SOX6: variants seen among roughly 807,000 people sequenced by gnomAD.
The protein encoded by SOX6 is transcription factor SOX-6.
SOX6 carries 11 observed loss-of-function variants against 97.8 expected under a neutral mutation model. The observed-to-expected ratio is 0.11, with a 90% CI of 0.07 to 0.19. The LOEUF (loss-of-function observed/expected upper bound fraction) is 0.19, where lower values mean the gene tolerates loss of function less well. Ranked by LOEUF, SOX6 falls within the 10% of genes least tolerant of loss-of-function variation. The probability of loss-of-function intolerance (pLI) is 1.00; values close to 1 mark genes in which losing one functional copy is unlikely to be tolerated. For missense variants in SOX6, 810 were observed against 1,039.5 expected, an observed-to-expected ratio of 0.78 and a Z score of 3.04; for synonymous variants, 360 against 371.4, an observed-to-expected ratio of 0.97 and a Z score of 0.35.
intron 3 of SOX6, among the ~76,000 whole-genome samples, chr11:16,253,389 A>G (rs1853576692): frequency 6.6e-6 from 1 of 152,064 alleles, no homozygotes; most frequent in African/African-American, 2.4e-5. Context: ...AGCCAGAGTC[A>G]AATGTAGCAG....
chr11:16,260,235 C>T (rs992939868), intron 3 of SOX6, among the ~76,000 whole-genome samples: 1 of 151,968 alleles, frequency 6.6e-6, no homozygotes, highest in Non-Finnish European at 1.5e-5. Flanking sequence ...CTCCTGACCT[C>T]GTGATCCACT....
chr11:16,352,293 TGG>T (rs1856969773), intron 1 of SOX6, among the ~76,000 whole-genome samples: 1 of 147,702 alleles, frequency 6.8e-6, no homozygotes, highest in Non-Finnish European at 1.5e-5. Flanking sequence ...GATGGATGGA[TGG>T]ATGGAAGGAT....
chr11:16,535,394 C>T (rs140691084), intron 4 of SOX6, among the ~76,000 whole-genome samples: 2 of 152,250 alleles, frequency 1.3e-5, no homozygotes, highest in Non-Finnish European at 1.5e-5. Flanking sequence ...AAAAATTGGT[C>T]TTGGCCAGGC....
intron 4 of SOX6, among the ~76,000 whole-genome samples, chr11:16,199,806 AT>A (rs1443373420): frequency 6.6e-6 from 1 of 152,202 alleles, no homozygotes; most frequent in African/African-American, 2.4e-5. Context: ...TAGAAATTCA[AT>A]TTTTAATTGT....
At chr11:16,549,864 G>T (rs1847663155) in intron 4 of SOX6, among the ~76,000 whole-genome samples, 1 of 152,168 alleles carries the variant, frequency 6.6e-6, no homozygotes, top group South Asian at 2.1e-4. Context: ...CGTACTTTAT[G>T]ATTCCACTTC....
intron 2 of SOX6, among the ~76,000 whole-genome samples, chr11:16,732,459 C>T (rs1429455224): frequency 6.6e-6 from 1 of 152,164 alleles, no homozygotes; most frequent in Non-Finnish European, 1.5e-5. Flanking sequence ...TGATCTTTGA[C>T]GAACCTGACA....
At chr11:16,374,749 A>T (rs297332) in intron 1 of SOX6, among the ~76,000 whole-genome samples, 27,954 of 151,990 alleles carry the variant, frequency 0.18, 2,906 homozygotes, top group East Asian at 0.31. Flanking sequence ...ATTCTTAGGC[A>T]ATGTTCTATA....
At chr11:16,282,467 A>G (rs1008949458) in intron 3 of SOX6, among the ~76,000 whole-genome samples, 7 of 151,696 alleles carry the variant, frequency 4.6e-5, no homozygotes, top group Non-Finnish European at 7.4e-5. Flanking sequence ...TGTGAAGTAG[A>G]GATTAATACA....
chr11:16,362,466 A>C (rs1297253980), intron 1 of SOX6, among the ~76,000 whole-genome samples: 1 of 152,150 alleles, frequency 6.6e-6, no homozygotes, highest in Non-Finnish European at 1.5e-5. Context: ...AAAAAGCCCC[A>C]TGACTCAATT....
chr11:16,705,036 T>A (rs1270767684), intron 3 of SOX6, among the ~76,000 whole-genome samples: 2 of 152,000 alleles, frequency 1.3e-5, no homozygotes, highest in Non-Finnish European at 2.9e-5. Flanking sequence ...GGCGGGTGGA[T>A]CACCTGAGGT....
At chr11:16,380,176 T>C (rs555428508) in intron 1 of SOX6, among the ~76,000 whole-genome samples, 1 of 152,034 alleles carries the variant, frequency 6.6e-6, no homozygotes, top group East Asian at 1.9e-4. Context: ...ACTTTTATAG[T>C]AAACAAAAAG....
chr11:16,541,713 A>T (rs544067223), intron 4 of SOX6, among the ~76,000 whole-genome samples: 1 of 152,264 alleles, frequency 6.6e-6, no homozygotes, highest in Non-Finnish European at 1.5e-5. Flanking sequence ...ACATGAAAAA[A>T]TGCTCATCAT....
chr11:16,439,997 C>T (rs373104691), intron 1 of SOX6, among the ~76,000 whole-genome samples: 30 of 152,254 alleles, frequency 2.0e-4, no homozygotes, highest in African/African-American at 7.2e-4. Context: ...CATATATAGA[C>T]ACCAAGCACT....
At chr11:16,039,387 CA>C (rs1855598720) in intron 12 of SOX6, among the ~76,000 whole-genome samples, 1 of 151,920 alleles carries the variant, frequency 6.6e-6, no homozygotes, top group Non-Finnish European at 1.5e-5. Context: ...AAGGTGAATA[CA>C]ATTAAAACAC....
intron 6 of SOX6, among the ~76,000 whole-genome samples, chr11:16,178,018 A>G (rs1049249056): frequency 6.6e-6 from 1 of 151,940 alleles, no homozygotes; most frequent in African/African-American, 2.4e-5. Flanking sequence ...TAACTGAAGG[A>G]TAGCGCAGAA....
At chr11:16,513,490 G>A (rs1036588692) in intron 4 of SOX6, among the ~76,000 whole-genome samples, 26 of 152,016 alleles carry the variant, frequency 1.7e-4, no homozygotes, top group African/African-American at 4.3e-4. Flanking sequence ...GAAATTAGCC[G>A]GGCAAAGTGG....
intron 9 of SOX6, among the ~76,000 whole-genome samples, chr11:16,058,184 G>A (rs1847865508): frequency 1.3e-5 from 2 of 151,386 alleles, no homozygotes; most frequent in Non-Finnish European, 1.5e-5. Flanking sequence ...CAGAGTTTTT[G>A]CAACTTCATC....
At chr11:16,503,254 T>C (rs1297974828) in intron 4 of SOX6, among the ~76,000 whole-genome samples, 1 of 143,148 alleles carries the variant, frequency 7.0e-6, no homozygotes, top group African/African-American at 2.6e-5. Flanking sequence ...TCTACCACCA[T>C]GAAAAAAAAA....
chr11:16,291,301 A>G (rs1475226165), intron 3 of SOX6, among the ~76,000 whole-genome samples: 7 of 145,620 alleles, frequency 4.8e-5, no homozygotes, highest in African/African-American at 1.8e-4. Context: ...TGTCTGGTAA[A>G]CACAAGATGC....
Sources: gnomAD v4.1 joint callset for allele counts (sites outside exome capture counted in the v4.1 genomes callset) on GRCh38, gnomAD v4.1.1 for gene constraint, MANE v1.5 for transcripts, NCBI Gene and HGNC (gene_info 2026-07-23, HGNC 2026-07-21) for gene names.